Variants in INTS3 observed in about 807,000 individuals in gnomAD.
INTS3 encodes the protein integrator complex subunit 3.
A neutral mutation model predicts 146.3 loss-of-function variants in INTS3; 34 were observed. That is an observed-to-expected ratio of 0.23 (90% CI 0.18 to 0.31). INTS3 has a LOEUF of 0.31. Ranked by LOEUF, INTS3 falls within the 10% of genes least tolerant of loss-of-function variation. The probability of loss-of-function intolerance (pLI) is 1.00; values close to 1 mark genes in which losing one functional copy is unlikely to be tolerated. For missense variants in INTS3, 757 were observed against 1,304.2 expected, an observed-to-expected ratio of 0.58 and a Z score of 6.46; for synonymous variants, 475 against 494.9, an observed-to-expected ratio of 0.96 and a Z score of 0.53.
chr1:153,748,615 A>C, intron 5 of INTS3, 74 bp from the exon 6 acceptor site: 1 of 1,208,328 alleles, frequency 8.3e-7, no homozygotes, highest in Non-Finnish European at 1.2e-6. Flanking sequence ...GGACCAGCAG[A>C]ATGGGTGAAG....
At chr1:153,769,584 C>T (rs1213110612) in intron 22 of INTS3, among the ~76,000 whole-genome samples, 185 bp from the exon 23 acceptor site, 1 of 152,156 alleles carries the variant, frequency 6.6e-6, no homozygotes, top group Admixed American at 6.6e-5. Flanking sequence ...ACTTTATCAG[C>T]CCCTTCATCC....
chr1:153,731,138 T>G (rs1247803879), intron 1 of INTS3, among the ~76,000 whole-genome samples: 3 of 152,108 alleles, frequency 2.0e-5, no homozygotes, highest in Admixed American at 2.0e-4. Context: ...CTTTCGAAGC[T>G]TATCATCTAA....
At chr1:153,739,949 C>A (rs60316596) in intron 1 of INTS3, among the ~76,000 whole-genome samples, 18,704 of 149,194 alleles carry the variant, frequency 0.13, 1,974 homozygotes, top group African/African-American at 0.29. Flanking sequence ...TACAGGCGCA[C>A]ACCACCATGC....
In INTS3 at chr1:153,728,542, T is replaced by C; in HGVS notation, c.-93T>C. The stretch of plus-strand genomic sequence containing the variant: ...CTCTCCCCTCCCCAACTTGTTCCTC[T>C]TGCCCCCCAGTCCCTGGCAATCCAG... On this transcript the variant is annotated 5_prime_UTR_variant, in exon 1 of 30. Coordinates refer to ENST00000318967, the MANE Select transcript of INTS3 (RefSeq NM_023015.5). 1 of 1,455,418 alleles carries C rather than the reference T, an allele frequency of 6.9e-7. No homozygotes were observed. Among genetic ancestry groups the C allele is most frequent in the East Asian group, 2.6e-5 (1 of 38,864 alleles). The allele number at this position is 1,455,418 out of a possible 1,614,324, so 90.2% of individuals were successfully genotyped here.
At chr1:153,740,838 TTCA>T (rs1235921078) in intron 2 of INTS3, 104 bp downstream of exon 2, 2 of 902,110 alleles carry the variant, frequency 2.2e-6, no homozygotes, top group Non-Finnish European at 3.7e-6. Context: ...GGGACTGAAA[TTCA>T]TCAAGTCTTG....
At chr1:153,733,834 A>G (rs994365957) in intron 1 of INTS3, among the ~76,000 whole-genome samples, 2 of 151,096 alleles carry the variant, frequency 1.3e-5, no homozygotes, top group Admixed American at 6.6e-5. Flanking sequence ...CGATCTCCTA[A>G]CCTCGTGATT....
Position 153,767,886 on chromosome 1 carries a change from ACT to A in INTS3, c.2244+62_2244+63del, listed in dbSNP as rs544258774. 2.7e-5 allele frequency: 40 copies of A among 1,489,186 alleles called. No individual in the cohort carries two copies. In the African/African-American group the frequency reaches 4.9e-4, roughly 18 times the overall value. 92.2% of individuals were successfully genotyped at this position (1,489,186 alleles called of 1,614,324 possible). ...CTCACAGGAACACACCTCAGTGAACACTCTGAGTACACACAACCCTGAACCCT... is the reference window on the plus strand; with the variant it reads ...CTCACAGGAACACACCTCAGTGAACACTGAGTACACACAACCCTGAACCCT... On this transcript the variant is annotated intron_variant, in intron 21 of 29. Coordinates refer to ENST00000318967, the MANE Select transcript of INTS3 (RefSeq NM_023015.5).
In INTS3 at chr1:153,772,189, C is replaced by T. The variant is rs1672915764; in HGVS notation, c.2721-151C>T. On this transcript the variant is annotated intron_variant, in intron 26 of 29. Transcript: ENST00000318967. The surrounding 1 kb of genome is among the most constrained non-coding windows in gnomAD (Gnocchi z 4.6). Reference sequence around the variant, plus strand: ...GCCAGGATCCCCTGTTCTAGGCACACCTTTCTCACCCAACCCCAGCCCTCC... The same window carrying T: ...GCCAGGATCCCCTGTTCTAGGCACATCTTTCTCACCCAACCCCAGCCCTCC... 6 of 979,572 alleles carry T rather than the reference C, an allele frequency of 6.1e-6. No individual in the cohort carries two copies. Among genetic ancestry groups the T allele is most frequent in the South Asian group, 3.2e-5 (2 of 63,244 alleles). The allele number at this position is 979,572 out of a possible 1,614,324, so 60.7% of individuals were successfully genotyped here.
chr1:153,744,217 A>G, intron 3 of INTS3, among the ~76,000 whole-genome samples: 1 of 152,192 alleles, frequency 6.6e-6, no homozygotes, highest in Non-Finnish European at 1.5e-5. Context: ...CCCAGATGGA[A>G]CATGGAACTA....
intron 13 of INTS3, chr1:153,761,330 G>T (rs1435974716): frequency 2.6e-5 from 13 of 492,898 alleles, no homozygotes; most frequent in Non-Finnish European, 3.9e-5. Context: ...GGCCAACATG[G>T]CAAAACCCGT....
intron 3 of INTS3, among the ~76,000 whole-genome samples, chr1:153,746,350 G>A (rs972866233): frequency 6.6e-6 from 1 of 152,168 alleles, no homozygotes; most frequent in Non-Finnish European, 1.5e-5. Flanking sequence ...TGGGAAGTGG[G>A]GGGGACAGGG....
chr1:153,759,463 A>T, intron 10 of INTS3, 63 bp from the exon 11 acceptor site: 1 of 1,089,426 alleles, frequency 9.2e-7, no homozygotes, highest in South Asian at 1.3e-5. Flanking sequence ...CTGTCTTGGG[A>T]CTCTGAAATG....
Position 153,765,067 on chromosome 1 carries a change from G to A in INTS3, c.2090+4G>A. 1 of 1,614,100 alleles carries A rather than the reference G, an allele frequency of 6.2e-7. No homozygotes were observed. The highest frequency in any genetic ancestry group is 1.7e-5 in the Admixed American group (1 of 60,026). ...TGCTCTACTACCTGAGGGCCAGGTG[G>A]GTATGGTCCCCATGTTTCAAATGGT... On this transcript the variant is annotated splice_donor_region_variant and intron_variant, in intron 20 of 29. Transcript: ENST00000318967.
chr1:153,741,263 GT>G (rs1557991622), intron 2 of INTS3, 21 bp from the exon 3 acceptor site: 1 of 1,593,644 alleles, frequency 6.3e-7, no homozygotes, highest in South Asian at 1.1e-5. Flanking sequence ...CAACTAGTTT[GT>G]TTTCCTTTCT....
At chr1:153,761,215 A>G in intron 13 of INTS3, 1 of 610,104 alleles carries the variant, frequency 1.6e-6, no homozygotes. Context: ...GTTGAGTTAG[A>G]AATGAGAAGC....
intron 14 of INTS3, 141 bp from the exon 15 acceptor site, chr1:153,762,583 GGTTT>G (rs954477110): frequency 1.1e-6 from 1 of 939,396 alleles, no homozygotes; most frequent in Non-Finnish European, 1.6e-6. Context: ...TTTGTCAAGA[GGTTT>G]GTCCTCCCAG....
intron 1 of INTS3, among the ~76,000 whole-genome samples, chr1:153,737,200 G>A (rs1671328259): frequency 6.6e-6 from 1 of 152,122 alleles, no homozygotes; most frequent in African/African-American, 2.4e-5. Context: ...GCCTTCCTTT[G>A]TCCTTCTTTT....
intron 1 of INTS3, among the ~76,000 whole-genome samples, chr1:153,733,821 T>C (rs372962031): frequency 3.3e-5 from 5 of 151,924 alleles, no homozygotes; most frequent in African/African-American, 7.3e-5. Flanking sequence ...GCCAGGCTGC[T>C]CTCGATCTCC....
Position 153,757,245 on chromosome 1 carries a change from C to T in INTS3, c.958-327C>T, listed in dbSNP as rs16835548. ...AAGAAAATGAGAAAAGGTTATACTT[C>T]TGACTGGAGAGTCAGTGACCAGTGC... On this transcript the variant is annotated intron_variant, in intron 9 of 29. Coordinates refer to ENST00000318967, the MANE Select transcript of INTS3 (RefSeq NM_023015.5). The surrounding 1 kb of genome is among the most constrained non-coding windows in gnomAD (Gnocchi z 4.0). Among the ~76,000 whole-genome samples the T allele has an allele frequency of 0.028, 4,291 of 152,296 alleles. 206 individuals are homozygous for T. The highest frequency in any genetic ancestry group is 0.099 in the African/African-American group (4,125 of 41,530).
Sources: gnomAD v4.1 joint callset for allele counts (sites outside exome capture counted in the v4.1 genomes callset) on GRCh38, gnomAD v4.1.1 for gene constraint, Gnocchi (gnomAD v3.1) non-coding constraint, MANE v1.5 for transcripts, NCBI Gene and HGNC (gene_info 2026-07-23, HGNC 2026-07-21) for gene names.